The following PPP1R16B variants were observed in gnomAD, a reference collection of about 807,000 sequenced individuals.
The protein encoded by PPP1R16B is protein phosphatase 1 regulatory subunit 16B.
Under a neutral mutation model 61.7 loss-of-function variants are expected in PPP1R16B, and 14 were observed. That is an observed-to-expected ratio of 0.23 (90% CI 0.15 to 0.35). PPP1R16B has a LOEUF of 0.35. Ranked by LOEUF, PPP1R16B falls within the 10% of genes least tolerant of loss-of-function variation. The pLI, the probability that PPP1R16B is intolerant of heterozygous loss-of-function variation, is 1.00. For synonymous variants in PPP1R16B, 266 were observed against 305.3 expected, an observed-to-expected ratio of 0.87 and a Z score of 1.34; for missense variants, 547 against 752.5, an observed-to-expected ratio of 0.73 and a Z score of 3.19.
At position 38,878,479 on chromosome 20, in the gene PPP1R16B, CTA is replaced by C. The variant is rs1258200328; in HGVS notation, c.251-11112_251-11111del. Reference sequence around the variant, plus strand: ...TGATAGGAATGGATTTTATTCTTGGCTATATTTGAGTGAGGGTCCCTTGTAAT... The same window carrying C: ...TGATAGGAATGGATTTTATTCTTGGCTATTTGAGTGAGGGTCCCTTGTAAT... On this transcript the variant is annotated intron_variant, in intron 2 of 10. Coordinates refer to ENST00000299824, the MANE Select transcript of PPP1R16B (RefSeq NM_015568.4). Among the ~76,000 whole-genome samples, 6 of 152,148 alleles carry C rather than the reference CTA, an allele frequency of 3.9e-5. No homozygotes were observed. In the East Asian group the frequency reaches 9.6e-4, roughly 24 times the overall value.
chr20:38,906,283 GTTTTTTTT>G (rs907617949), intron 7 of PPP1R16B, among the ~76,000 whole-genome samples, 189 bp downstream of exon 7: 2 of 101,246 alleles, frequency 2.0e-5, no homozygotes, highest in African/African-American at 6.6e-5. Context: ...AGCAAGTTGT[GTTTTTTTT>G]TTTTTTTTTT....
chr20:38,876,444 C>A (rs912439723), intron 2 of PPP1R16B, among the ~76,000 whole-genome samples: 1 of 152,068 alleles, frequency 6.6e-6, no homozygotes, highest in African/African-American at 2.4e-5. Flanking sequence ...AACAAGGGAG[C>A]GTGTGTTCCA....
At position 38,922,014 on chromosome 20, in the gene PPP1R16B, G is replaced by T. The variant is rs1468467762; in HGVS notation, c.*3348G>T. The T allele has an allele frequency of 6.6e-6, 1 of 152,208 alleles. No individual in the cohort carries two copies. The highest frequency in any genetic ancestry group is 1.5e-5 in the Non-Finnish European group (1 of 68,052). 9.4% of individuals were successfully genotyped at this position (152,208 alleles called of 1,614,324 possible). On this transcript the variant is annotated 3_prime_UTR_variant, in exon 11 of 11. Coordinates refer to ENST00000299824, the MANE Select transcript of PPP1R16B (RefSeq NM_015568.4). Reference sequence around the variant, plus strand: ...TTAAAGGAGACCACTTCCAAAGCAGGTGCTGCATGGCTCACCATCATATGC... The same window carrying T: ...TTAAAGGAGACCACTTCCAAAGCAGTTGCTGCATGGCTCACCATCATATGC...
At chr20:38,855,389 G>T (rs1355733414) in intron 2 of PPP1R16B, among the ~76,000 whole-genome samples, 1 of 150,658 alleles carries the variant, frequency 6.6e-6, no homozygotes, top group South Asian at 2.1e-4. Flanking sequence ...AGGATACTTC[G>T]CAAAACTTCC....
rs1208010437 is a variant in PPP1R16B, at chr20:38,895,900, T to TC, written c.467+192dup. On this transcript the variant is annotated intron_variant, in intron 4 of 10. Transcript: ENST00000299824. ...CTTCCTTCTTTCTTCCCTCCCTCCC[T>TC]CCTTCCTTCTTTCTTCCCTCCCTCC... 1.8e-3 allele frequency among the ~76,000 whole-genome samples: 143 copies of TC among 79,742 alleles called. 14 individuals are homozygous for TC. The highest frequency in any genetic ancestry group is 6.8e-3 in the Middle Eastern group (1 of 148). 52.3% of individuals were successfully genotyped at this position (79,742 alleles called of 152,430 possible).
intron 2 of PPP1R16B, among the ~76,000 whole-genome samples, chr20:38,883,176 G>A (rs993113353): frequency 2.6e-5 from 4 of 152,180 alleles, no homozygotes; most frequent in East Asian, 3.9e-4. Flanking sequence ...GGCACCCCCC[G>A]GGGAGATGCA....
intron 2 of PPP1R16B, among the ~76,000 whole-genome samples, chr20:38,877,348 T>G (rs2085174564): frequency 6.6e-6 from 1 of 152,006 alleles, no homozygotes; most frequent in African/African-American, 2.4e-5. Flanking sequence ...TCGCTCTTGT[T>G]GCCCACGCTG....
Position 38,806,046 on chromosome 20 carries a change from CA to C in PPP1R16B, c.-102+255del, listed in dbSNP as rs1488944299. Among the ~76,000 whole-genome samples, 4 of 150,284 alleles carry C rather than the reference CA, an allele frequency of 2.7e-5. No individual in the cohort carries two copies. The highest frequency in any genetic ancestry group is 9.8e-5 in the African/African-American group (4 of 40,642). ...CGGCCTCGCAATTCCTTGACGAGGC[CA>C]GGGGAGGGGGCGCATTGGCAGGTTG... On this transcript the variant is annotated intron_variant, in intron 1 of 10. Coordinates refer to ENST00000299824, the MANE Select transcript of PPP1R16B (RefSeq NM_015568.4). The surrounding 1 kb of genome is among the most constrained non-coding windows in gnomAD (Gnocchi z 4.5).
At chr20:38,838,255 C>T (rs1229560640) in intron 2 of PPP1R16B, 1 of 152,460 alleles carries the variant, frequency 6.6e-6, no homozygotes, top group Non-Finnish European at 1.5e-5. Flanking sequence ...TATAATAAGC[C>T]TTCCTGGCTG....
At chr20:38,898,811 A>AAACAACAACAACAACAACAACAAC (rs145367321) in intron 4 of PPP1R16B, among the ~76,000 whole-genome samples, 10 of 150,100 alleles carry the variant, frequency 6.7e-5, no homozygotes, top group African/African-American at 2.0e-4. Context: ...CCTTGTTTCA[A>AAACAACAACAACAACAACAACAAC]AACAACAACA....
chr20:38,892,726 A>G (rs184364465), intron 3 of PPP1R16B, among the ~76,000 whole-genome samples: 1 of 152,256 alleles, frequency 6.6e-6, no homozygotes, highest in African/African-American at 2.4e-5. Context: ...CGATGACTCG[A>G]CTCAAAGGGG....
At position 38,918,951 on chromosome 20, in the gene PPP1R16B, T is replaced by A; in HGVS notation, c.*285T>A. On this transcript the variant is annotated 3_prime_UTR_variant, in exon 11 of 11. Coordinates refer to ENST00000299824, the MANE Select transcript of PPP1R16B (RefSeq NM_015568.4). The surrounding 1 kb of genome is among the most constrained non-coding windows in gnomAD (Gnocchi z 5.3). ...GGGAGGGTGGGCTTGAGATCCCAGC[T>A]CTATTCTTGGTATAAAGGCTTCTCC... 2.7e-6 allele frequency: 1 copy of A among 369,874 alleles called. No homozygotes were observed. Among genetic ancestry groups the A allele is most frequent in the Non-Finnish European group, 4.9e-6 (1 of 205,632 alleles). The allele number at this position is 369,874 out of a possible 1,614,324, so 22.9% of individuals were successfully genotyped here.
At chr20:38,861,587 T>A (rs1296379185) in intron 2 of PPP1R16B, among the ~76,000 whole-genome samples, 1 of 151,040 alleles carries the variant, frequency 6.6e-6, no homozygotes. Context: ...GACATCTTCT[T>A]CCCCCCCACC....
At chr20:38,817,671 A>G (rs184913193) in intron 1 of PPP1R16B, among the ~76,000 whole-genome samples, 1 of 152,134 alleles carries the variant, frequency 6.6e-6, no homozygotes, top group Non-Finnish European at 1.5e-5. Context: ...AGCTATTGTC[A>G]TTTTAGCACT....
intron 1 of PPP1R16B, among the ~76,000 whole-genome samples, chr20:38,826,733 C>A (rs1355817772): frequency 6.6e-6 from 1 of 152,184 alleles, no homozygotes; most frequent in Non-Finnish European, 1.5e-5. Flanking sequence ...CCAGCCCCTG[C>A]AGGCCAGGAT....
Position 38,907,976 on chromosome 20 carries a change from TC to T in PPP1R16B, c.1028+43del. ...GGCAGCCAGGAGTCCCTGTGTGTGC[TC>T]CTGCCTGTGGTGCCTGGGTGCAGCC... On this transcript the variant is annotated intron_variant, in intron 9 of 10. Coordinates refer to ENST00000299824, the MANE Select transcript of PPP1R16B (RefSeq NM_015568.4). This position sits in a 1 kb window ranked among gnomAD's most constrained non-coding sequence, Gnocchi z 4.5. 6.2e-7 allele frequency: 1 copy of T among 1,613,926 alleles called. No individual in the cohort carries two copies. The highest frequency in any genetic ancestry group is 8.5e-7 in the Non-Finnish European group (1 of 1,179,908).
At chr20:38,909,837 C>A (rs951611767) in intron 10 of PPP1R16B, among the ~76,000 whole-genome samples, 8 of 152,266 alleles carry the variant, frequency 5.3e-5, no homozygotes, top group Non-Finnish European at 1.0e-4. Flanking sequence ...TTCTGCCTGG[C>A]CCCTTAGTCT....
chr20:38,905,920 A>T (rs2085437297), intron 6 of PPP1R16B, 49 bp from the exon 7 acceptor site: 2 of 1,585,734 alleles, frequency 1.3e-6, no homozygotes, highest in African/African-American at 2.7e-5. Flanking sequence ...CCTACCGTCA[A>T]TGTGGGGCTG....
chr20:38,827,400 T>A (rs890149591), intron 1 of PPP1R16B, among the ~76,000 whole-genome samples: 1 of 152,230 alleles, frequency 6.6e-6, no homozygotes, highest in African/African-American at 2.4e-5. Flanking sequence ...CTCTTTGTTC[T>A]TGTTAAATGT....
Sources: allele counts gnomAD v4.1 joint callset (sites outside exome capture counted in the v4.1 genomes callset), GRCh38; gene constraint gnomAD v4.1.1; non-coding constraint Gnocchi (gnomAD v3.1); transcripts MANE v1.5; gene names NCBI Gene and HGNC (gene_info 2026-07-23, HGNC 2026-07-21).